KCNMA1: variants seen among roughly 807,000 people sequenced by gnomAD.
KCNMA1 encodes the protein Calcium-activated potassium channel subunit alpha-1.
A neutral mutation model predicts 140.0 loss-of-function variants in KCNMA1; 29 were observed. That is an observed-to-expected ratio of 0.21 (90% CI 0.15 to 0.28). The LOEUF (loss-of-function observed/expected upper bound fraction) is 0.28. Among genes scored for constraint, KCNMA1 ranks in the 10% least tolerant of loss-of-function variants. The pLI is 1.00. For missense variants in KCNMA1, 880 were observed against 1,602.2 expected (o/e 0.55, Z 7.70); for synonymous variants, 612 against 611.9 (o/e 1.00, Z 0.00).
chr10:77,439,593 T>C (rs1007762093), intron 1 of KCNMA1, among the ~76,000 whole-genome samples: 1 of 151,974 alleles, frequency 6.6e-6, no homozygotes, highest in South Asian at 2.1e-4. Flanking sequence ...CCCCAAAATA[T>C]CTCCCTAAAC....
chr10:77,185,776 G>A (rs1392698725), intron 3 of KCNMA1, among the ~76,000 whole-genome samples: 1 of 152,048 alleles, frequency 6.6e-6, no homozygotes, highest in Non-Finnish European at 1.5e-5. Context: ...TCAGTGTGTG[G>A]AAAGTCCCAA....
intron 3 of KCNMA1, among the ~76,000 whole-genome samples, chr10:77,193,475 C>G (rs773632819): frequency 9.9e-5 from 15 of 152,168 alleles, no homozygotes; most frequent in Non-Finnish European, 1.8e-4. Flanking sequence ...TCTAGCCATC[C>G]CTTTTTTTTA....
chr10:77,414,902 A>T (rs1219482636), intron 1 of KCNMA1, among the ~76,000 whole-genome samples: 1 of 152,208 alleles, frequency 6.6e-6, no homozygotes, highest in Non-Finnish European at 1.5e-5. Flanking sequence ...TCTGAAGGCC[A>T]TATTTTTTCT....
At chr10:77,544,071 T>C (rs556608233) in intron 1 of KCNMA1, among the ~76,000 whole-genome samples, 78 of 152,242 alleles carry the variant, frequency 5.1e-4, no homozygotes, top group African/African-American at 1.9e-3. Flanking sequence ...TAATACTCTT[T>C]GTTAAAATTG....
chr10:77,231,315 G>A (rs1172869776), intron 3 of KCNMA1, among the ~76,000 whole-genome samples: 1 of 152,096 alleles, frequency 6.6e-6, no homozygotes, highest in East Asian at 1.9e-4. Flanking sequence ...CAAGGCAGGG[G>A]GTTCATTCTT....
intron 13 of KCNMA1, among the ~76,000 whole-genome samples, chr10:77,075,841 G>A (rs750996281): frequency 7.9e-5 from 12 of 152,144 alleles, no homozygotes; most frequent in Admixed American, 2.0e-4. Flanking sequence ...TGGAAACTTC[G>A]TCCTTTTCCA....
chr10:76,869,691 AAG>A (rs2030828086), exon 28 of KCNMA1: 1 of 152,680 alleles, frequency 6.5e-6, no homozygotes, highest in Non-Finnish European at 1.5e-5. Context: ...TTTACAAGAC[AAG>A]AGAGTTATCA....
At chr10:77,462,691 A>G (rs1051963826) in intron 1 of KCNMA1, among the ~76,000 whole-genome samples, 1 of 152,252 alleles carries the variant, frequency 6.6e-6, no homozygotes, top group Admixed American at 6.5e-5. Context: ...CCCCCGGGAG[A>G]GAGTCCCGCC....
chr10:76,895,709 T>C (rs769102715), intron 25 of KCNMA1, among the ~76,000 whole-genome samples: 23 of 152,186 alleles, frequency 1.5e-4, no homozygotes, highest in Non-Finnish European at 3.1e-4. Flanking sequence ...TCAATGTACA[T>C]TCGTTTCTAT....
At chr10:77,588,240 C>T (rs912036040) in intron 1 of KCNMA1, among the ~76,000 whole-genome samples, 2 of 152,196 alleles carry the variant, frequency 1.3e-5, no homozygotes, top group African/African-American at 2.4e-5. Flanking sequence ...CCTGCAAGGG[C>T]AGACAGGAGG....
At chr10:77,051,229 C>T (rs1029874192) in intron 14 of KCNMA1, among the ~76,000 whole-genome samples, 2 of 152,164 alleles carry the variant, frequency 1.3e-5, no homozygotes, top group South Asian at 4.1e-4. Context: ...GTACTTATGT[C>T]TCCTATCGCC....
intron 15 of KCNMA1, among the ~76,000 whole-genome samples, chr10:77,033,814 C>T (rs1485315170): frequency 6.6e-6 from 1 of 152,188 alleles, no homozygotes; most frequent in Non-Finnish European, 1.5e-5. Flanking sequence ...AAGGTCACCT[C>T]TTGGGTCTCT....
intron 1 of KCNMA1, among the ~76,000 whole-genome samples, chr10:77,511,452 A>G (rs1164810584): frequency 1.3e-5 from 2 of 152,234 alleles, no homozygotes; most frequent in African/African-American, 2.4e-5. Flanking sequence ...CTCTGGAGTC[A>G]GAAAAGAGCA....
chr10:77,406,381 T>C (rs1383914412), intron 1 of KCNMA1, among the ~76,000 whole-genome samples: 2 of 152,142 alleles, frequency 1.3e-5, no homozygotes, highest in Non-Finnish European at 2.9e-5. Flanking sequence ...CAGTGTCCAA[T>C]AGCACAAAAC....
rs202015764 is a variant in KCNMA1, at chr10:77,039,557, G to A, written c.1830C>T (p.Phe610=). 6.6e-5 allele frequency: 106 copies of A among 1,610,186 alleles called. No homozygotes were observed. The highest frequency in any genetic ancestry group is 8.2e-5 in the Non-Finnish European group (97 of 1,176,510). The change falls in exon 15 of 28, where the codon TTC becomes TTT. Residue 610 remains phenylalanine, a synonymous_variant. Coordinates refer to ENST00000286628, the MANE Select transcript of KCNMA1 (RefSeq NM_001161352.2). ...AAACAGTAGGGAAGGACAGACCCACGAAGGCACTGGAGAGATATTCTGTGT... is the reference window on the plus strand; with the variant it reads ...AAACAGTAGGGAAGGACAGACCCACAAAGGCACTGGAGAGATATTCTGTGT... ...EMYTEYLSSA[F]VGLSFPTVCE...
chr10:77,137,683 C>T (rs1003474431), intron 5 of KCNMA1, among the ~76,000 whole-genome samples: 1 of 152,188 alleles, frequency 6.6e-6, no homozygotes, highest in Non-Finnish European at 1.5e-5. Flanking sequence ...GGCTTTTGTT[C>T]CCACAGTCAG....
intron 5 of KCNMA1, among the ~76,000 whole-genome samples, chr10:77,126,034 C>T (rs770032273): frequency 1.3e-5 from 2 of 152,104 alleles, no homozygotes; most frequent in Non-Finnish European, 2.9e-5. Flanking sequence ...CTACAGACAG[C>T]GACTTCAGGC....
chr10:77,584,557 C>T (rs2076735466), intron 1 of KCNMA1, among the ~76,000 whole-genome samples: 2 of 152,182 alleles, frequency 1.3e-5, no homozygotes, highest in South Asian at 4.1e-4. Context: ...GAGGGTTTCA[C>T]CATGTTAGCC....
At chr10:77,116,215 C>T (rs2097460988) in intron 6 of KCNMA1, among the ~76,000 whole-genome samples, 1 of 152,188 alleles carries the variant, frequency 6.6e-6, no homozygotes, top group African/African-American at 2.4e-5. Flanking sequence ...CTCATGTTGC[C>T]TATACAATTC....
Sources: allele counts gnomAD v4.1 joint callset (sites outside exome capture counted in the v4.1 genomes callset), GRCh38; gene constraint gnomAD v4.1.1; transcripts MANE v1.5; gene names NCBI Gene and HGNC (gene_info 2026-07-23, HGNC 2026-07-21).